Variants in MCC observed in about 807,000 individuals in gnomAD.
MCC encodes the protein MCC regulator of Wnt signaling pathway.
MCC carries 90 observed loss-of-function variants against 116.2 expected under a neutral mutation model. The observed-to-expected ratio is 0.77, with a 90% confidence interval of 0.65 to 0.92. MCC has a LOEUF of 0.92. MCC is among the 40% of genes least tolerant of loss of function. The pLI, the probability that MCC is intolerant of heterozygous loss-of-function variation, is 0.00. For missense variants in MCC, 1,516 were observed against 1,312.2 expected (o/e 1.16, Z -2.40); for synonymous variants, 578 against 510.5 (o/e 1.13, Z -1.78).
intron 18 of MCC, 88 bp downstream of exon 18, chr5:113,028,846 C>T (rs1241856611): frequency 2.8e-6 from 4 of 1,445,500 alleles, no homozygotes; most frequent in Middle Eastern, 2.1e-4. Flanking sequence ...GGGAAATGTC[C>T]ATCCCTGGTG....
intron 3 of MCC, among the ~76,000 whole-genome samples, chr5:113,289,353 A>C (rs1766394785): frequency 6.6e-6 from 1 of 151,504 alleles, no homozygotes; most frequent in Admixed American, 6.6e-5. Flanking sequence ...AAATGAAAAG[A>C]AAAAAGAAAG....
intron 3 of MCC, among the ~76,000 whole-genome samples, chr5:113,209,363 C>CA (rs1369103787): frequency 1.3e-5 from 2 of 152,232 alleles, no homozygotes; most frequent in Non-Finnish European, 2.9e-5. Context: ...GCTCCCCAGT[C>CA]AGTCATGCTC....
intron 1 of MCC, among the ~76,000 whole-genome samples, chr5:113,412,757 A>G (rs1346224604): frequency 6.6e-6 from 1 of 152,094 alleles, no homozygotes; most frequent in Non-Finnish European, 1.5e-5. Flanking sequence ...ATTGAATACC[A>G]TTTATTTCTT....
At position 113,340,613 on chromosome 5, in the gene MCC, G is replaced by C. The variant is rs756561197; in HGVS notation, c.533C>G (p.Ser178Cys). Residue 178 changes from serine to cysteine, a missense_variant, in exon 3 of 19, where the codon TCT becomes TGT. Coordinates refer to ENST00000408903, the MANE Select transcript of MCC (RefSeq NM_001085377.2). The stretch of plus-strand genomic sequence containing the variant: ...GTGGAGAGCAGCCTGCTGATGCAAA[G>C]AGCTTCCGCCATACTCGAGCAGCTT... ...LQKLLEYGGSSLHQQAALHKL... is the reference protein window; with the variant it reads ...LQKLLEYGGSCLHQQAALHKL... 6 of 1,614,182 alleles carry C rather than the reference G, an allele frequency of 3.7e-6. No homozygotes were observed. The highest frequency in any genetic ancestry group is 4.2e-6 in the Non-Finnish European group (5 of 1,180,020).
In MCC at chr5:113,053,917, A is replaced by G; in HGVS notation, c.2256T>C (p.Thr752=). The G allele has an allele frequency of 1.2e-6, 2 of 1,613,906 alleles. No individual in the cohort carries two copies. The highest frequency in any genetic ancestry group is 1.3e-5 in the African/African-American group (1 of 75,026). The change falls in exon 15 of 19, where the codon ACT becomes ACC. Residue 752 remains threonine, a synonymous_variant. Coordinates refer to ENST00000408903, the MANE Select transcript of MCC (RefSeq NM_001085377.2). ...CCTTCAGCCTCTGCTCGTCTTCTTT[A>G]GTGAACTCGGTGTCGCAACTACTGG... is the stretch of plus-strand genomic sequence containing the variant. ...STASSCDTEF[T]KEDEQRLKDY...
At chr5:113,421,019 TTTTA>T in intron 1 of MCC, among the ~76,000 whole-genome samples, 1 of 149,138 alleles carries the variant, frequency 6.7e-6, no homozygotes, top group East Asian at 1.9e-4. Context: ...CGCAAAAGAA[TTTTA>T]TTTATTTATT....
rs995419303 is a variant in MCC at position 113,068,136 on chromosome 5, C to A, written c.1973G>T (p.Ser658Ile). 3 of 1,614,224 alleles carry A rather than the reference C, an allele frequency of 1.9e-6. No homozygotes were observed. Among genetic ancestry groups the A allele is most frequent in the Non-Finnish European group, 2.5e-6 (3 of 1,180,038 alleles). The change falls in exon 13 of 19, where the codon AGT (serine) becomes ATT (isoleucine). Residue 658 changes from serine to isoleucine, a missense_variant. Coordinates refer to ENST00000408903, the MANE Select transcript of MCC (RefSeq NM_001085377.2). ...CTGCCCCAGGATGAGGCTCTGCTCA[C>A]TCTCTGCCAGCGCCAGGAGGAGTTC... ...AYELLLALAE[S>I]EQSLILGQFR...
At chr5:113,082,814 C>G in intron 11 of MCC, 46 bp downstream of exon 11, 2 of 1,599,644 alleles carry the variant, frequency 1.3e-6, no homozygotes, top group Non-Finnish European at 8.5e-7. Context: ...TGAGGAGTAG[C>G]ACCTCCTCCC....
chr5:113,471,229 C>T (rs60343773), intron 1 of MCC, among the ~76,000 whole-genome samples: 5,021 of 152,278 alleles, frequency 0.033, 301 homozygotes, highest in African/African-American at 0.11. Context: ...GAGCTGTGTT[C>T]CTTTGGAGGA....
chr5:113,156,683 G>A (rs890422783), intron 3 of MCC, among the ~76,000 whole-genome samples: 1 of 151,872 alleles, frequency 6.6e-6, no homozygotes, highest in Admixed American at 6.6e-5. Context: ...TACAAATCTG[G>A]ATCTAGTGCA....
chr5:113,234,653 G>A (rs542873481), intron 3 of MCC: 1 of 152,296 alleles, frequency 6.6e-6, no homozygotes, highest in South Asian at 2.1e-4. Context: ...AATATCTGTT[G>A]AGTGCAGATA....
intron 1 of MCC, among the ~76,000 whole-genome samples, chr5:113,447,079 G>A (rs1296931480): frequency 6.6e-6 from 1 of 152,182 alleles, no homozygotes; most frequent in South Asian, 2.1e-4. Context: ...ACACGTGTGG[G>A]TTTGGGAGGT....
intron 6 of MCC, among the ~76,000 whole-genome samples, chr5:113,122,065 C>G (rs868826852): frequency 1.3e-5 from 2 of 152,220 alleles, no homozygotes; most frequent in Non-Finnish European, 2.9e-5. Flanking sequence ...TTCCTATTAG[C>G]CTTCATTTAA....
chr5:113,111,018 C>T (rs1757062044), intron 6 of MCC, among the ~76,000 whole-genome samples: 1 of 152,176 alleles, frequency 6.6e-6, no homozygotes, highest in Admixed American at 6.5e-5. Context: ...TCCATGGCTC[C>T]TCCTGCCCTT....
At position 113,340,868 on chromosome 5, in the gene MCC, G is replaced by A. The variant is rs184199163; in HGVS notation, c.416-138C>T. ...AACACATGTGATGCCCAGGCTGCAT[G>A]CTAAGCGCTTTCTCTTTCAAACTGA... On this transcript the variant is annotated intron_variant, in intron 2 of 18. Transcript: ENST00000408903. 5.9e-6 allele frequency: 4 copies of A among 674,288 alleles called. No individual in the cohort carries two copies. The African/African-American group carries it at 7.2e-5, about 12-fold the overall frequency. The allele number at this position is 674,288 out of a possible 1,614,324, so 41.8% of individuals were successfully genotyped here.
intron 3 of MCC, among the ~76,000 whole-genome samples, chr5:113,300,572 G>A (rs983025402): frequency 6.6e-6 from 1 of 152,064 alleles, no homozygotes; most frequent in East Asian, 1.9e-4. Flanking sequence ...GGGCATAGGG[G>A]GATTTCAGAA....
intron 3 of MCC, among the ~76,000 whole-genome samples, chr5:113,245,978 A>G (rs1764559811): frequency 6.6e-6 from 1 of 152,236 alleles, no homozygotes; most frequent in Non-Finnish European, 1.5e-5. Context: ...AGGTTTCAGA[A>G]AAAGATCTTG....
At chr5:113,169,310 T>G (rs997766983) in intron 3 of MCC, among the ~76,000 whole-genome samples, 2 of 152,054 alleles carry the variant, frequency 1.3e-5, no homozygotes, top group African/African-American at 4.8e-5. Context: ...AAAATAATAA[T>G]AAGCAAATTA....
In MCC at chr5:113,422,629, C is replaced by T. The variant is rs539872790; in HGVS notation, c.171-37417G>A. On this transcript the variant is annotated intron_variant, in intron 1 of 18. Transcript: ENST00000408903. ...GATGTTGTGGCATTATCAGGTATGG[C>T]CCAGCTTGTTGCAGCAGGCCTGGGT... 2.0e-5 allele frequency among the ~76,000 whole-genome samples: 3 copies of T among 152,258 alleles called. No homozygotes were observed. In the South Asian group the frequency reaches 6.2e-4, roughly 32 times the overall value.
Sources: allele counts gnomAD v4.1 joint callset (sites outside exome capture counted in the v4.1 genomes callset), GRCh38; gene constraint gnomAD v4.1.1; transcripts MANE v1.5; gene names NCBI Gene and HGNC (gene_info 2026-07-23, HGNC 2026-07-21).